The following PLCG2 variants were observed in gnomAD, a reference collection of about 807,000 sequenced individuals.
PLCG2 encodes the protein phospholipase C gamma 2.
In PLCG2, 69 loss-of-function variants were observed where a neutral mutation model predicts 175.6. The observed-to-expected ratio is 0.39, with a 90% confidence interval of 0.32 to 0.48. The LOEUF is 0.48. PLCG2 is among the 20% of genes least tolerant of loss of function. The probability of loss-of-function intolerance (pLI) is 0.91; values close to 1 mark genes in which losing one functional copy is unlikely to be tolerated. For missense variants in PLCG2, 1,798 were observed against 1,650.9 expected (o/e 1.09, Z -1.54); for synonymous variants, 827 against 624.0 (o/e 1.33, Z -4.85).
At chr16:81,778,252 C>T (rs1294523176), upstream of PLCG2, among the ~76,000 whole-genome samples, 1 of 151,962 alleles carries the variant, frequency 6.6e-6, no homozygotes, top group Non-Finnish European at 1.5e-5. Flanking sequence ...CCTCTATAGT[C>T]CCAGCTCTTC....
At chr16:81,946,312 T>TG (rs1427776528) in intron 31 of PLCG2, 49 bp downstream of exon 31, 1 of 1,391,104 alleles carries the variant, frequency 7.2e-7, no homozygotes, top group Admixed American at 1.7e-5. Flanking sequence ...TGCCTGCTGG[T>TG]GAGGGTAGAA....
chr16:81,871,554 T>G (rs1445051953), intron 7 of PLCG2, among the ~76,000 whole-genome samples: 1 of 152,146 alleles, frequency 6.6e-6, no homozygotes, highest in Non-Finnish European at 1.5e-5. Flanking sequence ...GGTGGGCAGG[T>G]CTCGAACTTC....
At chr16:81,802,093 CTTTTTTTTTTTTTTTTTTTTTT>C (rs1157731599) in intron 2 of PLCG2, among the ~76,000 whole-genome samples, 12 of 40,012 alleles carry the variant, frequency 3.0e-4, no homozygotes, top group African/African-American at 4.7e-4. Context: ...TGAGTACAGT[CTTTTTTTTTTTTTTTTTTTTTT>C]TTTTTTTTTT....
chr16:81,840,437 T>A (rs755779380), intron 2 of PLCG2, among the ~76,000 whole-genome samples: 1 of 152,188 alleles, frequency 6.6e-6, no homozygotes, highest in Non-Finnish European at 1.5e-5. Flanking sequence ...TATATTATGA[T>A]TACATTGTAA....
At chr16:81,821,713 C>T (rs1904807218) in intron 2 of PLCG2, among the ~76,000 whole-genome samples, 2 of 152,076 alleles carry the variant, frequency 1.3e-5, no homozygotes, top group African/African-American at 2.4e-5. Context: ...ATCAGTGGAG[C>T]GCAGAGCCCC....
At chr16:81,765,868 T>G (rs1910138883) in intron 2 of PLCG2, among the ~76,000 whole-genome samples, 1 of 152,196 alleles carries the variant, frequency 6.6e-6, no homozygotes, top group Non-Finnish European at 1.5e-5. Flanking sequence ...AGCTGCTGTG[T>G]AGCCAAGGTG....
rs1286396051 is a variant in PLCG2, at chr16:81,937,912, AGCCCTCCCTTCCTGCCAGGGGAGCCAGCC to A, written c.3198+19_3198+47del. On this transcript the variant is annotated intron_variant, in intron 28 of 32. Coordinates refer to ENST00000564138, the MANE Select transcript of PLCG2 (RefSeq NM_002661.5). ...TGACGCTGACAGTCAAGGTAAAGCCAGCCCTCCCTTCCTGCCAGGGGAGCCAGCCGCCCTCCCTGGGGGCTGGGCCGATG... is the reference window on the plus strand; with the variant it reads ...TGACGCTGACAGTCAAGGTAAAGCCAGCCCTCCCTGGGGGCTGGGCCGATG... The A allele has an allele frequency of 3.1e-6, 5 of 1,613,632 alleles. No individual in the cohort carries two copies. The South Asian group carries it at 4.4e-5, about 14-fold the overall frequency.
chr16:81,849,120 G>T (rs1423881654), intron 2 of PLCG2, among the ~76,000 whole-genome samples: 1 of 152,172 alleles, frequency 6.6e-6, no homozygotes, highest in African/African-American at 2.4e-5. Flanking sequence ...GTCATCACAG[G>T]GCTGTGGTTC....
chr16:81,869,537 C>T (rs952075284), intron 6 of PLCG2, among the ~76,000 whole-genome samples: 3 of 152,222 alleles, frequency 2.0e-5, no homozygotes, highest in Non-Finnish European at 2.9e-5. Context: ...CTTGGAACAT[C>T]TACCCTCAGA....
chr16:81,886,050 T>C (rs2143585491), intron 9 of PLCG2, among the ~76,000 whole-genome samples: 1 of 152,334 alleles, frequency 6.6e-6, no homozygotes, highest in African/African-American at 2.4e-5. Flanking sequence ...TTTCCCTTCA[T>C]TATTTTCCTT....
At chr16:81,847,377 C>G (rs1906179646) in intron 2 of PLCG2, among the ~76,000 whole-genome samples, 2 of 152,280 alleles carry the variant, frequency 1.3e-5, no homozygotes, top group South Asian at 4.1e-4. Flanking sequence ...TTGATTAAAT[C>G]ATTGGCCATT....
chr16:81,787,344 C>T (rs751366432), intron 2 of PLCG2, among the ~76,000 whole-genome samples: 1 of 151,136 alleles, frequency 6.6e-6, no homozygotes, highest in African/African-American at 2.4e-5. Context: ...GCCTCAGTCT[C>T]CCAAGTAGCT....
chr16:81,751,373 C>G (rs1215034640), intron 1 of PLCG2, among the ~76,000 whole-genome samples: 2 of 152,050 alleles, frequency 1.3e-5, no homozygotes, highest in Non-Finnish European at 2.9e-5. Flanking sequence ...TAAGCCAGGC[C>G]CAGAAAGACA....
intron 2 of PLCG2, among the ~76,000 whole-genome samples, chr16:81,803,666 T>TCCCTCCCTCCCG (rs1261031706): frequency 4.8e-5 from 2 of 41,840 alleles, no homozygotes; most frequent in Non-Finnish European, 6.0e-5. Flanking sequence ...CCTCCCTCCC[T>TCCCTCCCTCCCG]TCCTTCCTTC....
In PLCG2 at chr16:81,904,140, C is replaced by T. The variant is rs992253376; in HGVS notation, c.1363-1263C>T. 3.9e-5 allele frequency among the ~76,000 whole-genome samples: 6 copies of T among 152,304 alleles called. No individual in the cohort carries two copies. The East Asian group carries it at 9.6e-4, about 24-fold the overall frequency. ...GGCCAAGGTGGTCTGCCCTCAGAGC[C>T]TGTTTTCCCATGCCTGTATCATGCT... On this transcript the variant is annotated intron_variant, in intron 14 of 32. Coordinates refer to ENST00000564138, the MANE Select transcript of PLCG2 (RefSeq NM_002661.5).
In PLCG2 at chr16:81,880,963, C is replaced by G. The variant is rs1908049914; in HGVS notation, c.692+10C>G. 2 of 1,613,800 alleles carry G rather than the reference C, an allele frequency of 1.2e-6. No homozygotes were observed. Among genetic ancestry groups the G allele is most frequent in the Non-Finnish European group, 1.7e-6 (2 of 1,179,792 alleles). ...CCGTGTTCATCCTGGGGTGAGGCAG[C>G]TCTTGTGTGTCGTTCGGGGCGGCTG... On this transcript the variant is annotated intron_variant, in intron 8 of 32. Coordinates refer to ENST00000564138, the MANE Select transcript of PLCG2 (RefSeq NM_002661.5).
chr16:81,744,174 T>G (rs1021538473), intron 1 of PLCG2, among the ~76,000 whole-genome samples: 1 of 149,866 alleles, frequency 6.7e-6, no homozygotes, highest in Non-Finnish European at 1.5e-5. Context: ...CCTTTTTTTT[T>G]TTTTTTTTGT....
At chr16:81,803,586 C>CCTTTCCTTTCCTTTT (rs1911847822) in intron 2 of PLCG2, among the ~76,000 whole-genome samples, 1 of 143,184 alleles carries the variant, frequency 7.0e-6, no homozygotes. Context: ...CCTTTCCTTT[C>CCTTTCCTTTCCTTTT]TTTTCTTTTC....
At position 81,919,508 on chromosome 16, in the gene PLCG2, T is replaced by C; in HGVS notation, c.2079T>C (p.Cys693=). The C allele has an allele frequency of 1.9e-6, 3 of 1,614,084 alleles. No homozygotes were observed. Among genetic ancestry groups the C allele is most frequent in the Non-Finnish European group, 2.5e-6 (3 of 1,180,018 alleles). The change falls in exon 20 of 33, where the codon TGT becomes TGC. Residue 693 remains cysteine (C), a synonymous_variant. Coordinates refer to ENST00000564138, the MANE Select transcript of PLCG2 (RefSeq NM_002661.5). The stretch of plus-strand genomic sequence containing the variant: ...GGGCTAGGGGCAAGGTAAAGCATTG[T>C]CGCATCAACCGGGACGGCCGGCACT... ...TFRARGKVKH[C]RINRDGRHFV...
Sources: allele counts gnomAD v4.1 joint callset (sites outside exome capture counted in the v4.1 genomes callset), GRCh38; gene constraint gnomAD v4.1.1; transcripts MANE v1.5; gene names NCBI Gene and HGNC (gene_info 2026-07-23, HGNC 2026-07-21).